PDCD6: variants seen among roughly 807,000 people sequenced by gnomAD.
The protein encoded by PDCD6 is programmed cell death protein 6.
A neutral mutation model predicts 28.3 loss-of-function variants in PDCD6; 12 were observed. The ratio of observed to expected loss-of-function variants is 0.42; its 90% CI spans 0.27 to 0.69. The LOEUF is 0.69. Among genes scored for constraint, PDCD6 ranks in the 30% least tolerant of loss-of-function variants. The probability of loss-of-function intolerance (pLI) is 0.22; values close to 1 mark genes in which losing one functional copy is unlikely to be tolerated. For synonymous variants in PDCD6, 92 were observed against 108.0 expected, an observed-to-expected ratio of 0.85 and a Z score of 0.92; for missense variants, 226 against 269.9, an observed-to-expected ratio of 0.84 and a Z score of 1.14.
intron 2 of PDCD6, among the ~76,000 whole-genome samples, chr5:302,045 G>A (rs1252031688): frequency 1.5e-5 from 2 of 129,166 alleles, no homozygotes; most frequent in Non-Finnish European, 3.3e-5. Context: ...CATAACTGCT[G>A]GAGGGCGGAT....
At chr5:289,012 A>G (rs1335341674) in intron 2 of PDCD6, 1 of 1,252,786 alleles carries the variant, frequency 8.0e-7, no homozygotes, top group Non-Finnish European at 1.2e-6. Flanking sequence ...GAATGTAGTA[A>G]ATCTTTCTCA....
chr5:299,921 A>G, intron 2 of PDCD6, among the ~76,000 whole-genome samples: 1 of 152,014 alleles, frequency 6.6e-6, no homozygotes, highest in Non-Finnish European at 1.5e-5. Flanking sequence ...AAGAGAACTG[A>G]GAAAAATCAG....
At position 311,226 on chromosome 5, in the gene PDCD6, G is replaced by A; in HGVS notation, c.368-67G>A. ...AGAGGCTGTGGGCCTTGGGCAGGAGGGGTGAGTGTTGGCACATACCTCCCG... is the reference window on the plus strand; with the variant it reads ...AGAGGCTGTGGGCCTTGGGCAGGAGAGGTGAGTGTTGGCACATACCTCCCG... On this transcript the variant is annotated intron_variant, in intron 4 of 5. Transcript: ENST00000264933. The A allele has an allele frequency of 2.6e-6, 3 of 1,175,208 alleles. No individual in the cohort carries two copies. In the Admixed American group the frequency reaches 5.3e-5, roughly 21 times the overall value. The allele number at this position is 1,175,208 out of a possible 1,614,324, so 72.8% of individuals were successfully genotyped here. A position where few individuals can be genotyped will look rare whatever the true frequency, so the allele number is the denominator to read the frequency against.
intron 1 of PDCD6, among the ~76,000 whole-genome samples, chr5:272,096 G>C (rs1197437084): frequency 7.0e-6 from 1 of 143,776 alleles, no homozygotes; most frequent in Admixed American, 6.7e-5. Context: ...CCCGGTCCCT[G>C]TCCTGTGCGT....
chr5:285,219 G>A (rs757420391), intron 2 of PDCD6, among the ~76,000 whole-genome samples: 8 of 150,264 alleles, frequency 5.3e-5, no homozygotes, highest in Non-Finnish European at 1.2e-4. Flanking sequence ...TTTTAGGGCC[G>A]TGAAGCTGTA....
chr5:283,390 G>GA (rs1428870589), intron 2 of PDCD6, among the ~76,000 whole-genome samples: 6 of 145,990 alleles, frequency 4.1e-5, no homozygotes, highest in African/African-American at 1.6e-4. Context: ...TAGTTTGAAT[G>GA]TCTTGCAGCT....
At chr5:296,806 C>T (rs1478464277) in intron 2 of PDCD6, among the ~76,000 whole-genome samples, 1 of 152,098 alleles carries the variant, frequency 6.6e-6, no homozygotes, top group African/African-American at 2.4e-5. Context: ...CTCTTTGCTT[C>T]TGAGAGTCTG....
At chr5:275,889 C>G (rs547543386) in intron 2 of PDCD6, 1 of 526,968 alleles carries the variant, frequency 1.9e-6, no homozygotes, top group African/African-American at 1.9e-5. Context: ...TGTTTTTCCA[C>G]CACACCTCTG....
In PDCD6 at chr5:307,554, C is replaced by T. The variant is rs1156402397; in HGVS notation, c.367+794C>T. 1.3e-5 allele frequency among the ~76,000 whole-genome samples: 2 copies of T among 152,198 alleles called. No individual in the cohort carries two copies. Among genetic ancestry groups the T allele is most frequent in the African/African-American group, 4.8e-5 (2 of 41,456 alleles). Reference sequence around the variant, plus strand: ...TCCACGGGGCTTCCCGTGCTGCTCTCAGGGCTGAGAGGAAGCAGGGGTTTT... The same window carrying T: ...TCCACGGGGCTTCCCGTGCTGCTCTTAGGGCTGAGAGGAAGCAGGGGTTTT... On this transcript the variant is annotated intron_variant, in intron 4 of 5. Coordinates refer to ENST00000264933, the MANE Select transcript of PDCD6 (RefSeq NM_013232.4). This position sits in a 1 kb window ranked among gnomAD's most constrained non-coding sequence, Gnocchi z 6.1.
intron 2 of PDCD6, among the ~76,000 whole-genome samples, chr5:275,532 A>G (rs967658252): frequency 6.6e-6 from 1 of 152,238 alleles, no homozygotes. Context: ...TTGGTGGCTC[A>G]CCAGTAATGA....
chr5:287,532 T>G (rs951457139), intron 2 of PDCD6, among the ~76,000 whole-genome samples: 1 of 152,084 alleles, frequency 6.6e-6, no homozygotes, highest in Non-Finnish European at 1.5e-5. Context: ...TAAATGATAT[T>G]GGTATAATAA....
Position 297,885 on chromosome 5 carries a change from A to G in PDCD6, c.164-6292A>G, listed in dbSNP as rs1387562996. ...GACCTTTTGTCACATAGCAATAGGGAAATGAAAAAAGAAAATCGACTTATG... is the reference window on the plus strand; with the variant it reads ...GACCTTTTGTCACATAGCAATAGGGGAATGAAAAAAGAAAATCGACTTATG... On this transcript the variant is annotated intron_variant, in intron 2 of 5. Coordinates refer to ENST00000264933, the MANE Select transcript of PDCD6 (RefSeq NM_013232.4). 3.9e-5 allele frequency among the ~76,000 whole-genome samples: 6 copies of G among 152,236 alleles called. No individual in the cohort carries two copies. In the East Asian group the frequency reaches 1.2e-3, roughly 29 times the overall value.
At chr5:288,797 T>C in intron 2 of PDCD6, 1 of 1,080,800 alleles carries the variant, frequency 9.3e-7, no homozygotes, top group Non-Finnish European at 1.3e-6. Flanking sequence ...AAACCAGAAC[T>C]GTATGTAAAA....
chr5:290,255 G>C, intron 2 of PDCD6: 1 of 1,508,138 alleles, frequency 6.6e-7, no homozygotes, highest in East Asian at 2.3e-5. Context: ...ATCCAGGACA[G>C]GACAAACTTC....
intron 2 of PDCD6, among the ~76,000 whole-genome samples, chr5:273,993 G>T (rs190013140): frequency 6.6e-6 from 1 of 150,796 alleles, no homozygotes; most frequent in East Asian, 1.9e-4. Flanking sequence ...GCAAGACGTG[G>T]CTACTAGAAA....
rs955072427 is a variant in PDCD6, at chr5:299,766, G to A, written c.164-4411G>A. On this transcript the variant is annotated intron_variant, in intron 2 of 5. Coordinates refer to ENST00000264933, the MANE Select transcript of PDCD6 (RefSeq NM_013232.4). ...GGGTTTCACCATATTAGCCAGGATG[G>A]TCTCGATCTCCTCACCTGGTGATCC... 1.5e-4 allele frequency among the ~76,000 whole-genome samples: 23 copies of A among 152,242 alleles called. 1 individual carries two copies. Among genetic ancestry groups the A allele is most frequent in the Admixed American group, 3.9e-4 (6 of 15,308 alleles).
At chr5:286,852 G>T (rs1739002944) in intron 2 of PDCD6, among the ~76,000 whole-genome samples, 1 of 152,230 alleles carries the variant, frequency 6.6e-6, no homozygotes. Context: ...TGGAGTCTAT[G>T]TGAGGAGCCA....
intron 5 of PDCD6, chr5:312,049 A>G (rs1740955579): frequency 6.5e-6 from 1 of 153,694 alleles, no homozygotes; most frequent in Admixed American, 6.5e-5. Context: ...TGTTGTGGTC[A>G]TCACTGTGTC....
At chr5:281,098 C>T (rs28430503) in intron 2 of PDCD6, among the ~76,000 whole-genome samples, 10,482 of 152,298 alleles carry the variant, frequency 0.069, 383 homozygotes, top group Admixed American at 0.13. Context: ...AGTTTTTAAA[C>T]GTGATTTCAA....
Sources: allele counts gnomAD v4.1 joint callset (sites outside exome capture counted in the v4.1 genomes callset), GRCh38; gene constraint gnomAD v4.1.1; non-coding constraint Gnocchi (gnomAD v3.1); transcripts MANE v1.5; gene names NCBI Gene and HGNC (gene_info 2026-07-23, HGNC 2026-07-21).